CPAMD8: variants seen among roughly 807,000 people sequenced by gnomAD.
The protein encoded by CPAMD8 is C3 and PZP-like alpha-2-macroglobulin domain-containing protein 8.
A neutral mutation model predicts 224.7 loss-of-function variants in CPAMD8; 146 were observed. The ratio of observed to expected loss-of-function variants is 0.65; its 90% CI spans 0.57 to 0.75. The LOEUF (loss-of-function observed/expected upper bound fraction) is 0.75, where lower values mean the gene tolerates loss of function less well. CPAMD8 is among the 30% of genes least tolerant of loss of function. CPAMD8 has a pLI of 0.00. For synonymous variants in CPAMD8, 966 were observed against 1,044.6 expected (o/e 0.92, Z 1.45); for missense variants, 2,301 against 2,537.5 (o/e 0.91, Z 2.00).
intron 29 of CPAMD8, among the ~76,000 whole-genome samples, chr19:16,911,791 G>A (rs1050826649): frequency 3.3e-5 from 5 of 152,118 alleles, no homozygotes; most frequent in African/African-American, 4.8e-5. Context: ...GTGATCCACC[G>A]CCTCAGCCTC....
At chr19:16,999,050 C>G (rs1305021128) in intron 10 of CPAMD8, among the ~76,000 whole-genome samples, 1 of 152,128 alleles carries the variant, frequency 6.6e-6, no homozygotes, top group Non-Finnish European at 1.5e-5. Flanking sequence ...ACATCAAAAA[C>G]ATGATGCTGA....
At chr19:17,005,188 A>T (rs2056452875) in intron 7 of CPAMD8, among the ~76,000 whole-genome samples, 1 of 151,408 alleles carries the variant, frequency 6.6e-6, no homozygotes. Context: ...TCCCCCAGAC[A>T]TTGCCAATAT....
intron 10 of CPAMD8, among the ~76,000 whole-genome samples, chr19:16,997,575 G>C (rs1338685617): frequency 6.6e-6 from 1 of 152,166 alleles, no homozygotes; most frequent in African/African-American, 2.4e-5. Context: ...AAGAGGCTGG[G>C]TGCGGTGGCT....
Position 16,952,156 on chromosome 19 carries a change from G to A in CPAMD8, c.2321C>T (p.Ser774Phe), listed in dbSNP as rs2054319706. Reference protein sequence around the residue: ...EGTLSVKVPDSITSWVGEAVA... With the variant: ...EGTLSVKVPDFITSWVGEAVA... ...GGCCTCACCCACCCAGCTGGTGATGGAGTCCGGGACCTTCACACTGAGTGT... is the reference window on the plus strand; with the variant it reads ...GGCCTCACCCACCCAGCTGGTGATGAAGTCCGGGACCTTCACACTGAGTGT... The change falls in exon 20 of 42, where the codon TCC (serine) becomes TTC (phenylalanine). Residue 774 changes from serine to phenylalanine, a missense_variant. Transcript: ENST00000443236. 4 of 1,550,988 alleles carry A rather than the reference G, an allele frequency of 2.6e-6. No individual in the cohort carries two copies. The highest frequency in any genetic ancestry group is 3.5e-6 in the Non-Finnish European group (4 of 1,146,530).
At chr19:17,025,436 C>A (rs574053310) in intron 1 of CPAMD8, among the ~76,000 whole-genome samples, 1 of 152,082 alleles carries the variant, frequency 6.6e-6, no homozygotes, top group Non-Finnish European at 1.5e-5. Context: ...AAACAAACCC[C>A]AAAAACAACA....
chr19:16,917,029 A>G (rs2052988379), intron 27 of CPAMD8, among the ~76,000 whole-genome samples: 1 of 152,218 alleles, frequency 6.6e-6, no homozygotes, highest in Admixed American at 6.5e-5. Context: ...CCCATGGTCT[A>G]GCATACTGTG....
At chr19:16,958,546 G>C (rs1306889002) in intron 18 of CPAMD8, among the ~76,000 whole-genome samples, 1 of 152,128 alleles carries the variant, frequency 6.6e-6, no homozygotes, top group Non-Finnish European at 1.5e-5. Flanking sequence ...GTTGATTCCA[G>C]GTCTTTGCTA....
At chr19:16,908,066 C>T (rs1272878181) in intron 29 of CPAMD8, among the ~76,000 whole-genome samples, 1 of 152,072 alleles carries the variant, frequency 6.6e-6, no homozygotes, top group Non-Finnish European at 1.5e-5. Flanking sequence ...TTTGTTAAGA[C>T]AGCTAGCTAA....
intron 13 of CPAMD8, among the ~76,000 whole-genome samples, chr19:16,983,655 G>A (rs140294724): frequency 3.0e-4 from 45 of 152,240 alleles, no homozygotes; most frequent in African/African-American, 9.6e-4. Flanking sequence ...TAAATGTGAC[G>A]TGGGACCCTA....
chr19:16,981,112 G>T (rs916494258), intron 13 of CPAMD8, among the ~76,000 whole-genome samples: 2 of 148,802 alleles, frequency 1.3e-5, no homozygotes, highest in Admixed American at 6.6e-5. Context: ...CAGCACTTTG[G>T]GGGGCTGAAG....
chr19:17,011,393 C>T (rs1429332992), intron 5 of CPAMD8, 71 bp downstream of exon 5: 13 of 1,519,892 alleles, frequency 8.6e-6, no homozygotes, highest in Admixed American at 1.7e-5. Flanking sequence ...GACCCGTTTC[C>T]GATGGTGGCC....
At chr19:16,902,373 T>C (rs2052294641) in intron 35 of CPAMD8, among the ~76,000 whole-genome samples, 1 of 151,750 alleles carries the variant, frequency 6.6e-6, no homozygotes, top group South Asian at 2.1e-4. Flanking sequence ...AAAAGTTAGT[T>C]GGGCATGATG....
intron 3 of CPAMD8, among the ~76,000 whole-genome samples, chr19:17,013,190 A>G (rs1264244197): frequency 2.0e-5 from 3 of 150,934 alleles, no homozygotes; most frequent in Non-Finnish European, 4.4e-5. Context: ...TCCAAAAAAA[A>G]TAAATAAACA....
rs146004906 is a variant in CPAMD8 at position 16,942,440 on chromosome 19, C to T, written c.2793+3109G>A. 4.0e-3 allele frequency among the ~76,000 whole-genome samples: 602 copies of T among 152,126 alleles called. 3 individuals carry two copies. Among genetic ancestry groups the T allele is most frequent in the African/African-American group, 0.013 (539 of 41,488 alleles). On this transcript the variant is annotated intron_variant, in intron 22 of 41. Transcript: ENST00000443236. ...TTGCACCACTGCACTCCAGCCTGGG[C>T]GACAGAGTGAGACTCCATCCCCAAA...
intron 5 of CPAMD8, among the ~76,000 whole-genome samples, chr19:17,011,104 G>T (rs1481826957): frequency 6.6e-6 from 1 of 151,974 alleles, no homozygotes; most frequent in East Asian, 1.9e-4. Context: ...TAAGGCAAGA[G>T]AATCACTTAG....
At chr19:16,931,253 C>T (rs1455306557) in intron 23 of CPAMD8, among the ~76,000 whole-genome samples, 2 of 152,212 alleles carry the variant, frequency 1.3e-5, no homozygotes, top group Non-Finnish European at 2.9e-5. Context: ...TCGGCCCAGC[C>T]CAGCTCTGTC....
intron 3 of CPAMD8, among the ~76,000 whole-genome samples, chr19:17,017,768 G>A (rs911636827): frequency 7.2e-5 from 11 of 152,192 alleles, no homozygotes; most frequent in Admixed American, 5.2e-4. Context: ...TGTGGCTCAC[G>A]CCTGTAATCC....
rs2056557414 is a variant in CPAMD8 at position 17,008,569 on chromosome 19, G to A, written c.505-10C>T. ...GAGAGCCTCGGGGGTCCTGTTGGTG[G>A]TGGAGGGGGACAGACACACGGAGTG... On this transcript the variant is annotated splice_polypyrimidine_tract_variant and intron_variant, in intron 6 of 41. Coordinates refer to ENST00000443236, the MANE Select transcript of CPAMD8 (RefSeq NM_015692.5). 2.5e-6 allele frequency: 4 copies of A among 1,614,090 alleles called. No individual in the cohort carries two copies. The highest frequency in any genetic ancestry group is 3.4e-6 in the Non-Finnish European group (4 of 1,180,014).
intron 23 of CPAMD8, among the ~76,000 whole-genome samples, chr19:16,934,945 C>T (rs2053642859): frequency 6.6e-6 from 1 of 152,088 alleles, no homozygotes; most frequent in African/African-American, 2.4e-5. Context: ...TGTAACTCTG[C>T]ACCCATTATT....
Sources: allele counts gnomAD v4.1 joint callset (sites outside exome capture counted in the v4.1 genomes callset), GRCh38; gene constraint gnomAD v4.1.1; transcripts MANE v1.5; gene names NCBI Gene and HGNC (gene_info 2026-07-23, HGNC 2026-07-21).